The following MACF1 variants were observed in gnomAD, a reference collection of about 807,000 sequenced individuals.
MACF1 encodes the protein microtubule-actin cross-linking factor 1.
A neutral mutation model predicts 854.8 loss-of-function variants in MACF1; 193 were observed. The ratio of observed to expected loss-of-function variants is 0.23; its 90% CI spans 0.20 to 0.25. The LOEUF is 0.25. MACF1 is among the 10% of genes least tolerant of loss of function. The pLI is 1.00. For synonymous variants in MACF1, 3,185 were observed against 3,226.7 expected (o/e 0.99, Z 0.44); for missense variants, 7,722 against 8,929.1 (o/e 0.86, Z 5.45).
intron 2 of MACF1, among the ~76,000 whole-genome samples, chr1:39,137,450 G>A (rs12137783): frequency 0.023 from 3,446 of 152,264 alleles, 65 homozygotes; most frequent in Non-Finnish European, 0.037. Flanking sequence ...TCACTGTAAC[G>A]TGTCTACCAG....
intron 52 of MACF1, 120 bp downstream of exon 52, chr1:39,372,716 GC>G (rs1649354126): frequency 1.4e-6 from 1 of 724,658 alleles, no homozygotes; most frequent in East Asian, 2.7e-5. Flanking sequence ...CAAAGGGCAT[GC>G]CCAAAGCAGT....
intron 2 of MACF1, among the ~76,000 whole-genome samples, chr1:39,113,035 A>G (rs1642450822): frequency 6.6e-6 from 1 of 152,088 alleles, no homozygotes; most frequent in African/African-American, 2.4e-5. Context: ...ACTCAATTAC[A>G]ATGCGGCTTC....
At chr1:39,452,923 G>A (rs1644365772) in intron 87 of MACF1, 111 bp downstream of exon 87, 1 of 1,331,110 alleles carries the variant, frequency 7.5e-7, no homozygotes, top group Non-Finnish European at 1.0e-6. Context: ...ACATGAAAAG[G>A]AACAAAACCA....
intron 2 of MACF1, among the ~76,000 whole-genome samples, chr1:39,176,786 T>TA (rs1644035490): frequency 6.6e-6 from 1 of 152,230 alleles, no homozygotes; most frequent in Non-Finnish European, 1.5e-5. Context: ...GGCCAAGTGA[T>TA]ATAACTAGTT....
At chr1:39,255,203 C>A (rs1461414900) in intron 5 of MACF1, among the ~76,000 whole-genome samples, 1 of 152,166 alleles carries the variant, frequency 6.6e-6, no homozygotes, top group Non-Finnish European at 1.5e-5. Context: ...TACACAGCAC[C>A]CTTCCTCCTT....
At chr1:39,388,823 T>C (rs1641899422) in intron 58 of MACF1, among the ~76,000 whole-genome samples, 165 bp downstream of exon 58, 1 of 151,794 alleles carries the variant, frequency 6.6e-6, no homozygotes, top group Admixed American at 6.6e-5. Context: ...CTCGGACTTC[T>C]GAGCAAACTG....
chr1:39,451,315 A>G, intron 85 of MACF1, 104 bp downstream of exon 85: 1 of 1,169,548 alleles, frequency 8.6e-7, no homozygotes, highest in Non-Finnish European at 1.2e-6. Flanking sequence ...TCTAGGGGAG[A>G]AAGAGAGCCT....
chr1:39,372,768 A>G (rs1388655681), intron 52 of MACF1, 172 bp downstream of exon 52: 2 of 555,652 alleles, frequency 3.6e-6, no homozygotes, highest in Non-Finnish European at 6.4e-6. Context: ...TTGCTATATA[A>G]CATTGCTCCA....
chr1:39,198,043 C>CA (rs1275394851), intron 2 of MACF1, among the ~76,000 whole-genome samples: 1 of 151,908 alleles, frequency 6.6e-6, no homozygotes, highest in African/African-American at 2.4e-5. Context: ...GCAAAAAACA[C>CA]AAAAATTAGC....
At position 39,439,389 on chromosome 1, in the gene MACF1, T is replaced by C. The variant is rs151323961; in HGVS notation, c.18336T>C (p.Tyr6112=). The change falls in exon 72 of 101, where the codon TAT becomes TAC. Residue 6112 remains tyrosine, a synonymous_variant. Coordinates refer to ENST00000564288, the MANE Select transcript of MACF1 (RefSeq NM_001394062.1). Reference sequence around the variant, plus strand: ...TTGAATTAGCAGAGAAGTTCTGGTATGACATGGCAGCTCTCCTGACCACCA... The same window carrying C: ...TTGAATTAGCAGAGAAGTTCTGGTACGACATGGCAGCTCTCCTGACCACCA... The part of the protein sequence containing the change: ...DVLELAEKFW[Y]DMAALLTTIK... The C allele has an allele frequency of 1.3e-4, 214 of 1,614,006 alleles. No homozygotes were observed. The highest frequency in any genetic ancestry group is 1.7e-4 in the Non-Finnish European group (202 of 1,179,970).
chr1:39,265,624 A>G (rs1416228789), intron 6 of MACF1, among the ~76,000 whole-genome samples: 1 of 152,216 alleles, frequency 6.6e-6, no homozygotes, highest in Non-Finnish European at 1.5e-5. Context: ...TGACTAGCTC[A>G]TGTAATTTAT....
At chr1:39,135,623 T>G (rs1386111447) in intron 2 of MACF1, among the ~76,000 whole-genome samples, 1 of 152,150 alleles carries the variant, frequency 6.6e-6, no homozygotes, top group Non-Finnish European at 1.5e-5. Flanking sequence ...AGTAGAACAA[T>G]ATCCTTGTTT....
intron 1 of MACF1, among the ~76,000 whole-genome samples, chr1:39,217,141 G>GT (rs1644586229): frequency 6.6e-6 from 1 of 152,082 alleles, no homozygotes; most frequent in Non-Finnish European, 1.5e-5. Context: ...TATTACTACT[G>GT]TAACTACCAG....
intron 58 of MACF1, among the ~76,000 whole-genome samples, chr1:39,421,678 G>A (rs890756737): frequency 1.3e-5 from 2 of 152,156 alleles, no homozygotes; most frequent in Non-Finnish European, 2.9e-5. Flanking sequence ...TAGTCATTTG[G>A]TATTATTCTA....
intron 70 of MACF1, 152 bp downstream of exon 70, chr1:39,435,913 T>A: frequency 3.1e-6 from 2 of 652,608 alleles, no homozygotes; most frequent in Non-Finnish European, 5.2e-6. Context: ...CCTATCTTCA[T>A]TTTTATTCCA....
rs199588854 is a variant in MACF1, at chr1:39,156,464, CA to C, written c.220+72031del. On this transcript the variant is annotated intron_variant, in intron 2 of 93. Coordinates refer to the MACF1 transcript ENST00000361689. Reference sequence around the variant, plus strand: ...TGAAACACTGTCTCTACAAAAAATACAAAAATTAGCGAGGCATAGTGATGTG... The same window carrying C: ...TGAAACACTGTCTCTACAAAAAATACAAAATTAGCGAGGCATAGTGATGTG... 4.0e-3 allele frequency among the ~76,000 whole-genome samples: 616 copies of C among 152,220 alleles called. 10 individuals are homozygous for C. The highest frequency in any genetic ancestry group is 0.014 in the African/African-American group (593 of 41,562).
At chr1:39,411,323 A>G (rs1642991155) in intron 58 of MACF1, 1 of 1,613,918 alleles carries the variant, frequency 6.2e-7, no homozygotes, top group Non-Finnish European at 8.5e-7. Context: ...ATGGCAGATG[A>G]GAAGAACAGC....
At chr1:39,300,096 A>G (rs138754066) in intron 21 of MACF1, 114 bp from the exon 22 acceptor site, 6 of 1,056,830 alleles carry the variant, frequency 5.7e-6, no homozygotes, top group Non-Finnish European at 8.3e-6. Context: ...AACCATCCCT[A>G]CTTAACTGAG....
intron 89 of MACF1, chr1:39,456,826 C>T (rs895291276): frequency 6.6e-6 from 1 of 152,216 alleles, no homozygotes; most frequent in Non-Finnish European, 1.5e-5. Context: ...TGACACTGTT[C>T]TGGTCACATT....
Sources: gnomAD v4.1 joint callset for allele counts (sites outside exome capture counted in the v4.1 genomes callset) on GRCh38, gnomAD v4.1.1 for gene constraint, MANE v1.5 for transcripts, NCBI Gene and HGNC (gene_info 2026-07-23, HGNC 2026-07-21) for gene names.